The following BANP variants were observed in gnomAD, a reference collection of about 807,000 sequenced individuals.
BANP encodes the protein protein BANP.
Under a neutral mutation model 68.1 loss-of-function variants are expected in BANP, and 11 were observed. That is an observed-to-expected ratio of 0.16 (90% confidence interval 0.10 to 0.27). The LOEUF (loss-of-function observed/expected upper bound fraction) is 0.27, where lower values mean the gene tolerates loss of function less well. Among genes scored for constraint, BANP ranks in the 10% least tolerant of loss-of-function variants. BANP has a pLI of 1.00. For missense variants in BANP, 504 were observed against 722.7 expected, an observed-to-expected ratio of 0.70 and a Z score of 3.47; for synonymous variants, 329 against 303.2, an observed-to-expected ratio of 1.09 and a Z score of -0.88.
intron 1 of BANP, among the ~76,000 whole-genome samples, chr16:87,965,092 G>C (rs1285416343): frequency 6.6e-6 from 1 of 152,166 alleles, no homozygotes; most frequent in Non-Finnish European, 1.5e-5. Flanking sequence ...CTGAGCAAAG[G>C]TTCCAGGGCC....
At position 88,002,370 on chromosome 16, in the gene BANP, G is replaced by A. The variant is rs182556269; in HGVS notation, c.363-1925G>A. Among the ~76,000 whole-genome samples, 214 of 152,302 alleles carry A rather than the reference G, an allele frequency of 1.4e-3. 2 individuals are homozygous for A. The highest frequency in any genetic ancestry group is 4.4e-4 in the Non-Finnish European group (30 of 68,032). ...AAGGGCTTTCTAGTCAGCCGGTGAG[G>A]TGCTGGTTTTGTCACGCCCGTGCTG... is the stretch of plus-strand genomic sequence containing the variant. On this transcript the variant is annotated intron_variant, in intron 4 of 13. Transcript: ENST00000682872. This position sits in a 1 kb window ranked among gnomAD's most constrained non-coding sequence, Gnocchi z 4.6.
chr16:87,965,558 C>G (rs1357488381), intron 1 of BANP, among the ~76,000 whole-genome samples: 2 of 141,714 alleles, frequency 1.4e-5, no homozygotes, highest in Non-Finnish European at 3.0e-5. Flanking sequence ...GGATCACCCA[C>G]TAAGCCCGAG....
At chr16:88,046,230 A>ATG (rs558198353) in intron 11 of BANP, among the ~76,000 whole-genome samples, 364 of 151,892 alleles carry the variant, frequency 2.4e-3, no homozygotes, top group South Asian at 4.0e-3. Context: ...GCATGTGTGA[A>ATG]TGTGTGTGTG....
intron 4 of BANP, among the ~76,000 whole-genome samples, chr16:87,998,533 T>C (rs1185077400): frequency 6.6e-6 from 1 of 152,210 alleles, no homozygotes; most frequent in Admixed American, 6.5e-5. Flanking sequence ...TCTCAGTTTC[T>C]TGCTGTCCTT....
Position 88,072,200 on chromosome 16 carries a change from G to A in BANP, c.1509G>A (p.Thr503=), listed in dbSNP as rs201660824. Residue 503 remains threonine, a synonymous_variant, in exon 13 of 14, where the codon ACG becomes ACA. Transcript: ENST00000682872. ...AGCTGGCGCCAGTGAGTGACCACAC[G>A]GCCGGGGCACAGGTGAGTCTGGGGC... ...YVQLAPVSDH[T]AGAQTAEALQ... The A allele has an allele frequency of 9.9e-6, 16 of 1,610,078 alleles. No individual in the cohort carries two copies. Among genetic ancestry groups the A allele is most frequent in the East Asian group, 8.9e-5 (4 of 44,866 alleles).
At chr16:88,044,101 G>A (rs1452627234) in intron 11 of BANP, among the ~76,000 whole-genome samples, 3 of 152,208 alleles carry the variant, frequency 2.0e-5, no homozygotes, top group South Asian at 2.1e-4. Flanking sequence ...CTTTGCTGCC[G>A]TGGGTACCCT....
intron 2 of BANP, among the ~76,000 whole-genome samples, chr16:87,977,841 A>G (rs2062473214): frequency 2.1e-5 from 1 of 48,738 alleles, no homozygotes; most frequent in African/African-American, 2.1e-4. Flanking sequence ...TGATTGTGAT[A>G]TCTTTATTTA....
intron 12 of BANP, among the ~76,000 whole-genome samples, chr16:88,070,660 G>A (rs1250180847): frequency 6.6e-6 from 1 of 152,166 alleles, no homozygotes. Context: ...ACGGCCCTTG[G>A]GTCATGACAG....
intron 11 of BANP, among the ~76,000 whole-genome samples, chr16:88,054,796 G>C (rs183393464): frequency 1.2e-3 from 189 of 152,354 alleles, no homozygotes; most frequent in African/African-American, 4.0e-3. Context: ...TTGAGTAGTA[G>C]CTTAGGTGTG....
Position 87,983,935 on chromosome 16 carries a change from G to A in BANP, c.163-125G>A. On this transcript the variant is annotated intron_variant, in intron 3 of 13. Transcript: ENST00000682872. ...GCTCATAGCTCACGGGCTATTTCCA[G>A]TGTGGGGATTGTTCTGTCTGAATAG... The A allele has an allele frequency of 2.9e-6, 4 of 1,394,070 alleles. No homozygotes were observed. In the South Asian group the frequency reaches 5.9e-5, roughly 21 times the overall value. 86.4% of individuals were successfully genotyped at this position (1,394,070 alleles called of 1,614,324 possible).
rs920808542 is a variant in BANP at position 88,040,289 on chromosome 16, C to A, written c.1311+2278C>A. Among the ~76,000 whole-genome samples, 52 of 145,224 alleles carry A rather than the reference C, an allele frequency of 3.6e-4. 2 individuals are homozygous for A. Among genetic ancestry groups the A allele is most frequent in the African/African-American group, 1.2e-3 (48 of 39,148 alleles). On this transcript the variant is annotated intron_variant, in intron 11 of 13. Coordinates refer to ENST00000682872, the MANE Select transcript of BANP (RefSeq NM_001386991.1). ...TTTTTTTTCCATCATTTGGCCAGTT[C>A]TCATTCCTGCTGAGCTACACCCTGC...
intron 12 of BANP, among the ~76,000 whole-genome samples, chr16:88,069,652 C>T (rs1186644638): frequency 6.6e-6 from 1 of 152,228 alleles, no homozygotes; most frequent in Non-Finnish European, 1.5e-5. Flanking sequence ...GGTCTCAGTT[C>T]CTCATCTGTA....
At chr16:87,951,996 C>T (rs1036136985) in intron 1 of BANP, among the ~76,000 whole-genome samples, 1 of 148,884 alleles carries the variant, frequency 6.7e-6, no homozygotes, top group Non-Finnish European at 1.5e-5. Flanking sequence ...ACCGGAGCCC[C>T]ATAGCCCAGG....
intron 8 of BANP, among the ~76,000 whole-genome samples, chr16:88,032,820 T>G (rs1424580655): frequency 6.6e-6 from 1 of 152,254 alleles, no homozygotes; most frequent in African/African-American, 2.4e-5. Context: ...ATGTCCACTT[T>G]AAGAACTTCA....
chr16:88,035,630 C>T (rs1410294123), intron 10 of BANP, among the ~76,000 whole-genome samples: 1 of 152,220 alleles, frequency 6.6e-6, no homozygotes, highest in East Asian at 1.9e-4. Context: ...TGGTAAAGAT[C>T]TCCTGGGTAG....
At chr16:87,949,947 G>C (rs1042771786), upstream of BANP, among the ~76,000 whole-genome samples, 1 of 149,390 alleles carries the variant, frequency 6.7e-6, no homozygotes, top group Non-Finnish European at 1.5e-5. Context: ...GCGCCATCTC[G>C]GCTCACTGCA....
At chr16:87,950,013 G>T (rs1230807658), upstream of BANP, among the ~76,000 whole-genome samples, 1 of 151,960 alleles carries the variant, frequency 6.6e-6, no homozygotes, top group African/African-American at 2.4e-5. Flanking sequence ...GAGTAGCTGG[G>T]ACTACAGGCG....
intron 12 of BANP, among the ~76,000 whole-genome samples, chr16:88,069,180 G>C (rs2089647279): frequency 6.6e-6 from 1 of 152,230 alleles, no homozygotes; most frequent in African/African-American, 2.4e-5. Context: ...AAAGATCATG[G>C]GAAGGGGCAG....
At chr16:88,074,334 G>A (rs2091132483) in intron 13 of BANP, among the ~76,000 whole-genome samples, 1 of 152,194 alleles carries the variant, frequency 6.6e-6, no homozygotes, top group African/African-American at 2.4e-5. Context: ...TGAGAAGATG[G>A]GTTCCCTTAG....
Sources: allele counts gnomAD v4.1 joint callset (sites outside exome capture counted in the v4.1 genomes callset), GRCh38; gene constraint gnomAD v4.1.1; non-coding constraint Gnocchi (gnomAD v3.1); transcripts MANE v1.5; gene names NCBI Gene and HGNC (gene_info 2026-07-23, HGNC 2026-07-21).